The following GRID1 variants were observed in gnomAD, a reference collection of about 807,000 sequenced individuals.
GRID1 encodes the protein glutamate receptor ionotropic, delta-1.
A neutral mutation model predicts 98.0 loss-of-function variants in GRID1; 28 were observed. The observed-to-expected ratio is 0.29, with a 90% confidence interval of 0.21 to 0.39. The LOEUF is 0.39. Ranked by LOEUF, GRID1 falls within the 10% of genes least tolerant of loss-of-function variation. GRID1 has a pLI of 1.00. For synonymous variants in GRID1, 553 were observed against 538.5 expected, an observed-to-expected ratio of 1.03 and a Z score of -0.37; for missense variants, 1,111 against 1,340.5, an observed-to-expected ratio of 0.83 and a Z score of 2.67.
At chr10:85,789,745 A>G (rs1394947697) in intron 8 of GRID1, among the ~76,000 whole-genome samples, 1 of 152,140 alleles carries the variant, frequency 6.6e-6, no homozygotes, top group Non-Finnish European at 1.5e-5. Context: ...CAGGAGATTT[A>G]GGGGCCTCAC....
chr10:86,168,415 AG>A (rs1176858001), intron 3 of GRID1, among the ~76,000 whole-genome samples: 4 of 152,064 alleles, frequency 2.6e-5, no homozygotes, highest in Non-Finnish European at 1.5e-5. Flanking sequence ...CTGAGATGGG[AG>A]GCCCTGCCCA....
chr10:86,022,502 CAA>C (rs1006521916), intron 4 of GRID1, among the ~76,000 whole-genome samples: 1 of 151,930 alleles, frequency 6.6e-6, no homozygotes, highest in African/African-American at 2.4e-5. Context: ...CCCCAAACCC[CAA>C]AGTCAGTTAA....
At chr10:86,253,460 T>C (rs1846868489) in intron 2 of GRID1, among the ~76,000 whole-genome samples, 1 of 152,206 alleles carries the variant, frequency 6.6e-6, no homozygotes, top group Non-Finnish European at 1.5e-5. Flanking sequence ...CATCGTTCTG[T>C]GGCAGATGCA....
chr10:85,835,132 A>T (rs1399937797), intron 8 of GRID1, among the ~76,000 whole-genome samples: 1 of 152,232 alleles, frequency 6.6e-6, no homozygotes, highest in African/African-American at 2.4e-5. Context: ...AGACATAATG[A>T]TCCTAAATGT....
At chr10:86,122,834 G>A (rs993205556) in intron 4 of GRID1, among the ~76,000 whole-genome samples, 1 of 152,224 alleles carries the variant, frequency 6.6e-6, no homozygotes, top group Non-Finnish European at 1.5e-5. Flanking sequence ...CCTGACGTGT[G>A]AGCACACATG....
At chr10:86,004,893 A>T (rs1842842954) in intron 4 of GRID1, among the ~76,000 whole-genome samples, 1 of 152,164 alleles carries the variant, frequency 6.6e-6, no homozygotes, top group Admixed American at 6.5e-5. Flanking sequence ...GAATCTTGAG[A>T]CAAGAAGGAC....
At chr10:86,012,918 A>G (rs2131882213) in intron 4 of GRID1, among the ~76,000 whole-genome samples, 1 of 152,352 alleles carries the variant, frequency 6.6e-6, no homozygotes, top group East Asian at 1.9e-4. Context: ...GAATGATCTA[A>G]GACACTATTT....
In GRID1 at chr10:86,206,977, C is replaced by T. The variant is rs11201940; in HGVS notation, c.236-329G>A. 6.6e-6 allele frequency among the ~76,000 whole-genome samples: 1 copy of T among 152,262 alleles called. No individual in the cohort carries two copies. Among genetic ancestry groups the T allele is most frequent in the East Asian group, 1.9e-4 (1 of 5,196 alleles). On this transcript the variant is annotated intron_variant, in intron 2 of 15. Coordinates refer to ENST00000327946, the MANE Select transcript of GRID1 (RefSeq NM_017551.3). This position sits in a 1 kb window ranked among gnomAD's most constrained non-coding sequence, Gnocchi z 4.1. ...CCCAAATCTGCCTGATTCACCCCCA[C>T]TGAGCTGTAAAATTAGCCATCCTGT...
chr10:85,875,012 C>T (rs1399202300), intron 5 of GRID1, among the ~76,000 whole-genome samples: 1 of 152,090 alleles, frequency 6.6e-6, no homozygotes, highest in Non-Finnish European at 1.5e-5. Flanking sequence ...ACTACAGTCG[C>T]ATGCCACTAC....
chr10:85,902,434 G>C (rs1433793420), intron 5 of GRID1, among the ~76,000 whole-genome samples: 2 of 152,192 alleles, frequency 1.3e-5, no homozygotes, highest in Non-Finnish European at 2.9e-5. Context: ...TTGACAGTGG[G>C]TGACTGAAAC....
At chr10:85,778,010 TGGTGTCA>T (rs571412128) in intron 8 of GRID1, among the ~76,000 whole-genome samples, 103 of 152,340 alleles carry the variant, frequency 6.8e-4, no homozygotes, top group African/African-American at 2.2e-3. Flanking sequence ...TTGGGCATCT[TGGTGTCA>T]GGTTCTGTTG....
intron 3 of GRID1, among the ~76,000 whole-genome samples, chr10:86,191,057 G>T (rs1321547300): frequency 1.3e-5 from 2 of 152,208 alleles, no homozygotes; most frequent in Non-Finnish European, 2.9e-5. Flanking sequence ...TAACCTAGTT[G>T]CTGAATCGCA....
chr10:86,034,131 A>C (rs1193423068), intron 4 of GRID1, among the ~76,000 whole-genome samples: 2 of 152,200 alleles, frequency 1.3e-5, no homozygotes, highest in East Asian at 3.8e-4. Context: ...CGATTTTTTT[A>C]ATGAGGTACT....
chr10:86,178,184 T>A (rs754398664), intron 3 of GRID1, among the ~76,000 whole-genome samples: 55 of 152,332 alleles, frequency 3.6e-4, no homozygotes, highest in Middle Eastern at 3.4e-3. Flanking sequence ...AGTGGCCAAC[T>A]CACCAGAAAC....
chr10:85,876,748 C>G (rs535665284), intron 5 of GRID1, among the ~76,000 whole-genome samples: 2 of 152,214 alleles, frequency 1.3e-5, no homozygotes, highest in South Asian at 2.1e-4. Flanking sequence ...GAGTGCCAGA[C>G]AGTGGGTGCA....
In GRID1 at chr10:85,670,650, T is replaced by C. The variant is rs376886885; in HGVS notation, c.1998-23253A>G. On this transcript the variant is annotated intron_variant, in intron 12 of 15. Coordinates refer to ENST00000327946, the MANE Select transcript of GRID1 (RefSeq NM_017551.3). ...CCTCATCTCAGGCCCTCCATCTTCATCTCCTGCTCGTGGCCAACTGGCTTC... is the reference window on the plus strand; with the variant it reads ...CCTCATCTCAGGCCCTCCATCTTCACCTCCTGCTCGTGGCCAACTGGCTTC... Among the ~76,000 whole-genome samples the C allele has an allele frequency of 1.2e-4, 19 of 152,150 alleles. No individual in the cohort carries two copies. In the East Asian group the frequency reaches 1.7e-3, roughly 14 times the overall value.
chr10:85,676,023 C>T (rs537591520), intron 12 of GRID1, among the ~76,000 whole-genome samples: 138 of 152,232 alleles, frequency 9.1e-4, no homozygotes, highest in Admixed American at 2.4e-3. Context: ...AAGTGGTTTT[C>T]GCTAAAAAGG....
chr10:85,742,668 T>G (rs1338751199), intron 8 of GRID1, among the ~76,000 whole-genome samples: 1 of 152,198 alleles, frequency 6.6e-6, no homozygotes, highest in Non-Finnish European at 1.5e-5. Flanking sequence ...TGACAGTTCC[T>G]GCAGCAGATT....
At chr10:85,740,823 C>A (rs919700033) in intron 8 of GRID1, among the ~76,000 whole-genome samples, 3 of 151,756 alleles carry the variant, frequency 2.0e-5, no homozygotes, top group Non-Finnish European at 2.9e-5. Context: ...ACGATCTTAG[C>A]TCACTGCAAA....
Sources: gnomAD v4.1 joint callset for allele counts (sites outside exome capture counted in the v4.1 genomes callset) on GRCh38, gnomAD v4.1.1 for gene constraint, Gnocchi (gnomAD v3.1) non-coding constraint, MANE v1.5 for transcripts, NCBI Gene and HGNC (gene_info 2026-07-23, HGNC 2026-07-21) for gene names.